Variants in GALNT7 observed in about 807,000 individuals in gnomAD.
GALNT7 encodes N-acetylgalactosaminyltransferase 7.
Under a neutral mutation model 82.1 loss-of-function variants are expected in GALNT7, and 60 were observed. That is an observed-to-expected ratio of 0.73 (90% CI 0.59 to 0.91). The LOEUF is 0.91. Among genes scored for constraint, GALNT7 ranks in the 40% least tolerant of loss-of-function variants. The probability of loss-of-function intolerance (pLI) is 0.00; values close to 1 mark genes in which losing one functional copy is unlikely to be tolerated. For missense variants in GALNT7, 660 were observed against 804.2 expected, an observed-to-expected ratio of 0.82 and a Z score of 2.17; for synonymous variants, 243 against 275.1, an observed-to-expected ratio of 0.88 and a Z score of 1.15.
chr4:173,307,533 A>T (rs984790298), intron 8 of GALNT7, among the ~76,000 whole-genome samples: 1 of 152,156 alleles, frequency 6.6e-6, no homozygotes, highest in African/African-American at 2.4e-5. Context: ...TGGTAGCAGT[A>T]TGTGAGGCCC....
chr4:173,282,068 A>C (rs954113836), intron 2 of GALNT7, among the ~76,000 whole-genome samples: 1 of 152,204 alleles, frequency 6.6e-6, no homozygotes, highest in Non-Finnish European at 1.5e-5. Flanking sequence ...GCCGAGTTAC[A>C]GCTGACTCCA....
At chr4:173,201,110 T>C (rs748949516) in intron 1 of GALNT7, among the ~76,000 whole-genome samples, 3 of 152,302 alleles carry the variant, frequency 2.0e-5, no homozygotes, top group Non-Finnish European at 4.4e-5. Context: ...ATTTAACATT[T>C]ATGTAATTCC....
chr4:173,257,763 C>CA (rs1331857508), intron 2 of GALNT7, among the ~76,000 whole-genome samples: 2 of 152,162 alleles, frequency 1.3e-5, no homozygotes, highest in Non-Finnish European at 2.9e-5. Context: ...GTGCATTCTC[C>CA]AGAGTAGAAA....
intron 2 of GALNT7, among the ~76,000 whole-genome samples, chr4:173,283,313 G>A (rs893147522): frequency 6.6e-6 from 1 of 152,118 alleles, no homozygotes; most frequent in African/African-American, 2.4e-5. Context: ...GATTGGCTTT[G>A]ATGGAACTTT....
chr4:173,312,134 T>C (rs1275630669), intron 8 of GALNT7, among the ~76,000 whole-genome samples: 1 of 152,244 alleles, frequency 6.6e-6, no homozygotes, highest in Non-Finnish European at 1.5e-5. Context: ...AGATACTTAC[T>C]ATCTGGCCCT....
At chr4:173,194,435 C>T (rs1732713588) in intron 1 of GALNT7, among the ~76,000 whole-genome samples, 1 of 152,198 alleles carries the variant, frequency 6.6e-6, no homozygotes, top group Non-Finnish European at 1.5e-5. Context: ...TTTTTGTCAA[C>T]ACGTCCACAT....
At chr4:173,189,993 A>C (rs1304375539) in intron 1 of GALNT7, among the ~76,000 whole-genome samples, 4 of 150,894 alleles carry the variant, frequency 2.7e-5, no homozygotes, top group Non-Finnish European at 4.4e-5. Flanking sequence ...CCAAAATGTT[A>C]GTTTTTTTTT....
intron 1 of GALNT7, among the ~76,000 whole-genome samples, chr4:173,229,817 G>T (rs1263173491): frequency 1.3e-5 from 2 of 152,068 alleles, no homozygotes; most frequent in Non-Finnish European, 2.9e-5. Context: ...AGTATTCAAT[G>T]AAATACTTTC....
At chr4:173,242,781 C>A (rs1420435848) in intron 1 of GALNT7, among the ~76,000 whole-genome samples, 1 of 152,212 alleles carries the variant, frequency 6.6e-6, no homozygotes, top group Non-Finnish European at 1.5e-5. Flanking sequence ...TACTGGCACG[C>A]CTTGTTCCCT....
chr4:173,279,017 G>C (rs935093302), intron 2 of GALNT7, among the ~76,000 whole-genome samples: 4 of 152,064 alleles, frequency 2.6e-5, no homozygotes, highest in Non-Finnish European at 4.4e-5. Context: ...TGAACACTTG[G>C]GTAAAATTCA....
chr4:173,170,081 G>C (rs2126611074), intron 1 of GALNT7, among the ~76,000 whole-genome samples: 1 of 152,256 alleles, frequency 6.6e-6, no homozygotes, highest in Non-Finnish European at 1.5e-5. Context: ...CGGCTTCCCT[G>C]ACCCGGCAGC....
intron 1 of GALNT7, among the ~76,000 whole-genome samples, chr4:173,230,449 T>G (rs548929835): frequency 6.6e-6 from 1 of 152,308 alleles, no homozygotes; most frequent in East Asian, 1.9e-4. Flanking sequence ...GAATATTGCT[T>G]CTTTCATCTA....
chr4:173,266,671 A>G, intron 2 of GALNT7, among the ~76,000 whole-genome samples: 1 of 152,194 alleles, frequency 6.6e-6, no homozygotes, highest in East Asian at 1.9e-4. Flanking sequence ...AAGAAGTTAT[A>G]CTATTAATAA....
intron 1 of GALNT7, among the ~76,000 whole-genome samples, chr4:173,177,064 A>G (rs1408031630): frequency 6.6e-6 from 1 of 152,224 alleles, no homozygotes; most frequent in Non-Finnish European, 1.5e-5. Context: ...TGATGCCTTT[A>G]GAAGGAATAC....
chr4:173,210,049 G>A (rs1438615861), intron 1 of GALNT7, among the ~76,000 whole-genome samples: 1 of 151,960 alleles, frequency 6.6e-6, no homozygotes, highest in Non-Finnish European at 1.5e-5. Flanking sequence ...AGGAGAAATC[G>A]CTTGAACCCG....
At chr4:173,182,909 A>T (rs1472816646) in intron 1 of GALNT7, among the ~76,000 whole-genome samples, 1 of 141,684 alleles carries the variant, frequency 7.1e-6, no homozygotes, top group East Asian at 2.0e-4. Context: ...TGATGAGGCT[A>T]GCAGGTTACT....
chr4:173,191,651 G>A (rs925333130), intron 1 of GALNT7, among the ~76,000 whole-genome samples: 4 of 152,194 alleles, frequency 2.6e-5, no homozygotes, highest in African/African-American at 9.7e-5. Flanking sequence ...ACAAGATTGA[G>A]TAGAAGAGTG....
rs1030186666 is a variant in GALNT7 at position 173,323,629 on chromosome 4, G to A, written c.*1912G>A. 5 of 152,436 alleles carry A rather than the reference G, an allele frequency of 3.3e-5. No individual in the cohort carries two copies. Among genetic ancestry groups the A allele is most frequent in the African/African-American group, 4.8e-5 (2 of 41,420 alleles). The allele number at this position is 152,436 out of a possible 1,614,324, so 9.4% of individuals were successfully genotyped here. ...TTTAAATGGGTACTTTGTGCAATTCGTTAAAAGAAGATACTCTATGAATAT... is the reference window on the plus strand; with the variant it reads ...TTTAAATGGGTACTTTGTGCAATTCATTAAAAGAAGATACTCTATGAATAT... On this transcript the variant is annotated 3_prime_UTR_variant, in exon 12 of 12. Coordinates refer to ENST00000265000, the MANE Select transcript of GALNT7 (RefSeq NM_017423.3).
In GALNT7 at chr4:173,304,045, G is replaced by C; in HGVS notation, c.1316G>C (p.Gly439Ala). 6.2e-7 allele frequency: 1 copy of C among 1,611,844 alleles called. No homozygotes were observed. Among genetic ancestry groups the C allele is most frequent in the Non-Finnish European group, 8.5e-7 (1 of 1,178,200 alleles). Residue 439 changes from glycine to alanine, a missense_variant, in exon 8 of 12, where the codon GGA (glycine) becomes GCA (alanine). By Grantham distance (60) the Gly-to-Ala change is moderately conservative. Around this residue, in one of 2 missense-constraint regions of GALNT7, gnomAD observed 527 missense variants for 683.5 expected, o/e 0.77. Transcript: ENST00000265000. ...KLLFVPCSRV[G>A]HIYRLEGWQG... The stretch of plus-strand genomic sequence containing the variant: ...TTATTTGTTCCTTGTTCTCGTGTTG[G>C]ACATATCTACCGTCTTGAGGGCTGG...
Sources: allele counts gnomAD v4.1 joint callset (sites outside exome capture counted in the v4.1 genomes callset), GRCh38; gene constraint gnomAD v4.1.1; regional missense constraint gnomAD v4.1.1; transcripts MANE v1.5; gene names NCBI Gene and HGNC (gene_info 2026-07-23, HGNC 2026-07-21).